Variants in AVPR1B observed in about 807,000 individuals in gnomAD.
The protein encoded by AVPR1B is vasopressin V1b receptor.
AVPR1B carries 25 observed loss-of-function variants against 27.5 expected under a neutral mutation model. That is an observed-to-expected ratio of 0.91 (90% CI 0.66 to 1.27). The LOEUF (loss-of-function observed/expected upper bound fraction) is 1.27, where lower values mean the gene tolerates loss of function less well. Among genes scored for constraint, AVPR1B ranks in the 50% most tolerant of loss-of-function variants. The pLI is 0.00. For missense variants in AVPR1B, 595 were observed against 556.9 expected (o/e 1.07, Z -0.69); for synonymous variants, 248 against 240.2 (o/e 1.03, Z -0.30).
In AVPR1B at chr1:206,116,271, A is replaced by C; in HGVS notation, c.620T>G (p.Ile207Ser). 6.2e-7 allele frequency: 1 copy of C among 1,613,670 alleles called. No homozygotes were observed. The highest frequency in any genetic ancestry group is 8.5e-7 in the Non-Finnish European group (1 of 1,180,044). The change falls in exon 1 of 2, where the codon ATC becomes AGC. Residue 207 changes from isoleucine to serine, a missense_variant. Transcript: ENST00000367126. ...GAGCATGGTCACCGGCAGAACGAAG[A>C]TAGCCAGGGTGGTCCAGGTGAGGTA... ...RAYLTWTTLA[I>S]FVLPVTMLTA...
At position 206,109,929 on chromosome 1, in the gene AVPR1B, A is replaced by AATATG. The variant is rs1663342239; in HGVS notation, c.*255_*259dup. On this transcript the variant is annotated 3_prime_UTR_variant, in exon 2 of 2. Coordinates refer to ENST00000367126, the MANE Select transcript of AVPR1B (RefSeq NM_000707.5). The stretch of plus-strand genomic sequence containing the variant: ...ACCATGTGTGCATGGACACCCTATG[A>AATATG]ATATGGCAGGACCAGGGAGACAGGC... 3.9e-6 allele frequency: 2 copies of AATATG among 516,008 alleles called. No homozygotes were observed. Among genetic ancestry groups the AATATG allele is most frequent in the East Asian group, 6.6e-5 (2 of 30,122 alleles). 32.0% of individuals were successfully genotyped at this position (516,008 alleles called of 1,614,324 possible).
rs782305101 is a variant in AVPR1B, at chr1:206,110,332, T to C, written c.1132A>G (p.Thr378Ala). The change falls in exon 2 of 2, where the codon ACG becomes GCG. Residue 378 changes from threonine to alanine, a missense_variant. Transcript: ENST00000367126. ...GGGCAGCTGGAGCGGGTCAGCAGCGTGGTGTGGCGGCTCGAGAGGCTGCCG... is the reference window on the plus strand; with the variant it reads ...GGGCAGCTGGAGCGGGTCAGCAGCGCGGTGTGGCGGCTCGAGAGGCTGCCG... Reference protein sequence around the residue: ...SDGSLSSRHTTLLTRSSCPAT... With the variant: ...SDGSLSSRHTALLTRSSCPAT... 1.2e-6 allele frequency: 2 copies of C among 1,612,682 alleles called. No homozygotes were observed. The highest frequency in any genetic ancestry group is 1.7e-6 in the Non-Finnish European group (2 of 1,179,652).
chr1:206,112,611 A>T (rs1553289981), intron 1 of AVPR1B, among the ~76,000 whole-genome samples: 4 of 152,182 alleles, frequency 2.6e-5, no homozygotes, highest in African/African-American at 9.7e-5. Flanking sequence ...CATCCTCGGT[A>T]GATGGGACCA....
chr1:206,113,957 C>T (rs1183604106), intron 1 of AVPR1B, among the ~76,000 whole-genome samples: 2 of 152,150 alleles, frequency 1.3e-5, no homozygotes. Context: ...CTACAGTTGG[C>T]TAGAATTAAT....
intron 1 of AVPR1B, among the ~76,000 whole-genome samples, chr1:206,112,743 C>A (rs899352730): frequency 6.6e-6 from 1 of 152,194 alleles, no homozygotes; most frequent in African/African-American, 2.4e-5. Context: ...CCTGCCTCAG[C>A]CTCGCAAAGT....
chr1:206,116,184 G>A lies in AVPR1B; in HGVS notation c.707C>T (p.Ala236Val). ...ICKNLKVKTQ[A>V]WRVGGGGWRT... ...CCAGCCCCCTCCTCCCACCCGCCAG[G>A]CCTGTGTCTTGACTTTTAGGTTTTT... The change falls in exon 1 of 2, where the codon GCC (alanine) becomes GTC (valine). Residue 236 changes from alanine to valine, a missense_variant. By Grantham distance (64) the Ala-to-Val change is moderately conservative. Coordinates refer to ENST00000367126, the MANE Select transcript of AVPR1B (RefSeq NM_000707.5). 1 of 1,613,990 alleles carries A rather than the reference G, an allele frequency of 6.2e-7. No individual in the cohort carries two copies. The highest frequency in any genetic ancestry group is 8.5e-7 in the Non-Finnish European group (1 of 1,180,024).
At position 206,115,867 on chromosome 1, in the gene AVPR1B, G is replaced by A. The variant is rs564357961; in HGVS notation, c.940+84C>T. ...ACTAGTTTGTCACCTGCCTGGCCCTGGGAGGCATTGTAACCCTGACCTAAT... is the reference window on the plus strand; with the variant it reads ...ACTAGTTTGTCACCTGCCTGGCCCTAGGAGGCATTGTAACCCTGACCTAAT... On this transcript the variant is annotated intron_variant, in intron 1 of 1. Coordinates refer to ENST00000367126, the MANE Select transcript of AVPR1B (RefSeq NM_000707.5). The A allele has an allele frequency of 3.2e-5, 44 of 1,373,882 alleles. No homozygotes were observed. The African/African-American group carries it at 6.3e-4, about 20-fold the overall frequency. The allele number at this position is 1,373,882 out of a possible 1,614,324, so 85.1% of individuals were successfully genotyped here.
intron 1 of AVPR1B, among the ~76,000 whole-genome samples, chr1:206,112,991 C>T (rs950015727): frequency 6.6e-6 from 1 of 152,128 alleles, no homozygotes; most frequent in Admixed American, 6.5e-5. Context: ...CTACAAGTTG[C>T]GGAAGATTTG....
chr1:206,111,819 A>G (rs2102337768), intron 1 of AVPR1B, among the ~76,000 whole-genome samples: 1 of 152,346 alleles, frequency 6.6e-6, no homozygotes, highest in Non-Finnish European at 1.5e-5. Context: ...AGCTAAAGGT[A>G]TCTGGGCCTG....
In AVPR1B at chr1:206,117,073, A is replaced by G. The variant is rs1571885742; in HGVS notation, c.-183T>C. On this transcript the variant is annotated 5_prime_UTR_variant, in exon 1 of 2. Coordinates refer to ENST00000367126, the MANE Select transcript of AVPR1B (RefSeq NM_000707.5). Reference sequence around the variant, plus strand: ...ACTGGGATAGAGAGGAGGAGGGAGGATGAGATTCGGAAGGAGAAAATGTGA... The same window carrying G: ...ACTGGGATAGAGAGGAGGAGGGAGGGTGAGATTCGGAAGGAGAAAATGTGA... The G allele has an allele frequency of 1.6e-5, 11 of 669,148 alleles. No homozygotes were observed. The East Asian group carries it at 2.9e-4, about 17-fold the overall frequency. The allele number at this position is 669,148 out of a possible 1,614,324, so 41.5% of individuals were successfully genotyped here. A position where few individuals can be genotyped will look rare whatever the true frequency, so the allele number is the denominator to read the frequency against.
Position 206,107,128 on chromosome 1 carries a change from G to A in AVPR1B, c.*3061C>T, listed in dbSNP as rs987763022. On this transcript the variant is annotated 3_prime_UTR_variant, in exon 2 of 2. Coordinates refer to ENST00000367126, the MANE Select transcript of AVPR1B (RefSeq NM_000707.5). Reference sequence around the variant, plus strand: ...AACATAACGATTCTGAGAAATCCCCGTAGTCAACCGATGAACCCCTCCTGT... The same window carrying A: ...AACATAACGATTCTGAGAAATCCCCATAGTCAACCGATGAACCCCTCCTGT... Among the ~76,000 whole-genome samples, 4 of 152,120 alleles carry A rather than the reference G, an allele frequency of 2.6e-5. No individual in the cohort carries two copies. Among genetic ancestry groups the A allele is most frequent in the South Asian group, 4.1e-4 (2 of 4,828 alleles).
In AVPR1B at chr1:206,107,988, G is replaced by A. The variant is rs1235818535; in HGVS notation, c.*2201C>T. ...TGCTTAAGTTGATACAGGTAGAAAA[G>A]GGGTGAGATCAAGATGCAAACCCAG... On this transcript the variant is annotated 3_prime_UTR_variant, in exon 2 of 2. Coordinates refer to ENST00000367126, the MANE Select transcript of AVPR1B (RefSeq NM_000707.5). Among the ~76,000 whole-genome samples the A allele has an allele frequency of 1.3e-5, 2 of 152,206 alleles. No homozygotes were observed. The highest frequency in any genetic ancestry group is 4.8e-5 in the African/African-American group (2 of 41,452).
At position 206,107,854 on chromosome 1, in the gene AVPR1B, G is replaced by A. The variant is rs1553289217; in HGVS notation, c.*2335C>T. Among the ~76,000 whole-genome samples the A allele has an allele frequency of 6.6e-6, 1 of 152,204 alleles. No homozygotes were observed. The highest frequency in any genetic ancestry group is 1.5e-5 in the Non-Finnish European group (1 of 68,036). ...ATTGTTCCCCTCTCTAACATCTGTT[G>A]AGTGCTCTATCTCTAGTCTACAATC... On this transcript the variant is annotated 3_prime_UTR_variant, in exon 2 of 2. Transcript: ENST00000367126.
chr1:206,116,533 C>A lies in AVPR1B; in HGVS notation c.358G>T (p.Ala120Ser). 6.2e-7 allele frequency: 1 copy of A among 1,614,160 alleles called. No homozygotes were observed. Among genetic ancestry groups the A allele is most frequent in the Non-Finnish European group, 8.5e-7 (1 of 1,180,022 alleles). The stretch of plus-strand genomic sequence containing the variant: ...ATGGCCAGCAGCATGTAGGTGGAGG[C>A]AAACATGCTGAGCACCTGCAGGTAC... ...VKYLQVLSMF[A>S]STYMLLAMTL... is the part of the protein sequence containing the mutation. The change falls in exon 1 of 2, where the codon GCC (alanine) becomes TCC (serine). Residue 120 changes from alanine (A) to serine (S), a missense_variant. By Grantham distance (99) the Ala-to-Ser change is moderately conservative (BLOSUM62 1). Coordinates refer to ENST00000367126, the MANE Select transcript of AVPR1B (RefSeq NM_000707.5).
chr1:206,110,483 G>T lies in AVPR1B; in HGVS notation c.981C>A (p.Gly327=). The T allele has an allele frequency of 6.2e-7, 1 of 1,613,458 alleles. No homozygotes were observed. The highest frequency in any genetic ancestry group is 1.1e-5 in the South Asian group (1 of 90,972). The change falls in exon 2 of 2, where the codon GGC becomes GGA. Residue 327 remains glycine (G), a synonymous_variant. Transcript: ENST00000367126. ...NVAFTISMLL[G]NLNSCCNPWI... ...AGGGGTTGCAGCAGCTGTTGAGGTTGCCCAAAAGCATAGAGATGGTGAAAG... is the reference window on the plus strand; with the variant it reads ...AGGGGTTGCAGCAGCTGTTGAGGTTTCCCAAAAGCATAGAGATGGTGAAAG...
chr1:206,109,954 C>T lies in AVPR1B; in HGVS notation c.*235G>A. ...AATATGGCAGGACCAGGGAGACAGG[C>T]AGTTTGATTCTCCCTGACTGCCAGT... On this transcript the variant is annotated 3_prime_UTR_variant, in exon 2 of 2. Transcript: ENST00000367126. 1.8e-6 allele frequency: 1 copy of T among 555,848 alleles called. No individual in the cohort carries two copies. The allele number at this position is 555,848 out of a possible 1,614,324, so 34.4% of individuals were successfully genotyped here.
chr1:206,115,117 T>C (rs1420238199), intron 1 of AVPR1B, among the ~76,000 whole-genome samples: 2 of 152,218 alleles, frequency 1.3e-5, no homozygotes, highest in Admixed American at 1.3e-4. Context: ...ATAGCATGCA[T>C]GCACTTAAAA....
At position 206,113,685 on chromosome 1, in the gene AVPR1B, C is replaced by T. The variant is rs114281166; in HGVS notation, c.940+2266G>A. On this transcript the variant is annotated intron_variant, in intron 1 of 1. Coordinates refer to ENST00000367126, the MANE Select transcript of AVPR1B (RefSeq NM_000707.5). The stretch of plus-strand genomic sequence containing the variant: ...AAAGAGGCAGATGACCATCTCACCC[C>T]GGTGCCACTGGCTATGCCACAATGT... Among the ~76,000 whole-genome samples the T allele has an allele frequency of 7.5e-3, 1,137 of 152,322 alleles. 10 individuals carry two copies. Among genetic ancestry groups the T allele is most frequent in the Non-Finnish European group, 0.012 (814 of 68,024 alleles).
chr1:206,115,749 C>T (rs34518453), intron 1 of AVPR1B, among the ~76,000 whole-genome samples: 5,866 of 152,276 alleles, frequency 0.039, 150 homozygotes, highest in Non-Finnish European at 0.058. Flanking sequence ...GGAAATTTCA[C>T]GTAAAAGATA....
Sources: gnomAD v4.1 joint callset for allele counts (sites outside exome capture counted in the v4.1 genomes callset) on GRCh38, gnomAD v4.1.1 for gene constraint, MANE v1.5 for transcripts, NCBI Gene and HGNC (gene_info 2026-07-23, HGNC 2026-07-21) for gene names.